PPP1R9A: variants seen among roughly 807,000 people sequenced by gnomAD.
PPP1R9A encodes neurabin-1.
PPP1R9A carries 59 observed loss-of-function variants against 141.9 expected under a neutral mutation model. The ratio of observed to expected loss-of-function variants is 0.42; its 90% CI spans 0.34 to 0.52. PPP1R9A has a LOEUF of 0.52. Among genes scored for constraint, PPP1R9A ranks in the 20% least tolerant of loss-of-function variants. The probability of loss-of-function intolerance (pLI) is 0.10; values close to 1 mark genes in which losing one functional copy is unlikely to be tolerated. For synonymous variants in PPP1R9A, 500 were observed against 569.7 expected, an observed-to-expected ratio of 0.88 and a Z score of 1.74; for missense variants, 1,444 against 1,611.9, an observed-to-expected ratio of 0.90 and a Z score of 1.78.
intron 5 of PPP1R9A, among the ~76,000 whole-genome samples, chr7:95,163,090 A>G (rs1425928914): frequency 6.6e-6 from 1 of 152,218 alleles, no homozygotes; most frequent in Admixed American, 6.5e-5. Context: ...CCATGTCTGT[A>G]TAGAACTTGG....
intron 4 of PPP1R9A, among the ~76,000 whole-genome samples, chr7:95,145,478 GA>G (rs1480508022): frequency 6.6e-6 from 1 of 152,144 alleles, no homozygotes; most frequent in Admixed American, 6.5e-5. Flanking sequence ...AACGTTGGAA[GA>G]AAGTACAAAG....
chr7:95,161,980 G>A lies in PPP1R9A; in HGVS notation c.1754+9G>A, dbSNP rs377079893. 1.0e-5 allele frequency: 16 copies of A among 1,564,114 alleles called. No homozygotes were observed. In the African/African-American group the frequency reaches 1.2e-4, roughly 12 times the overall value. ...ACCAAGGGCAACGTCAGGTAAATAC[G>A]TGCCTTCTAATATACACCATGTTGT... On this transcript the variant is annotated intron_variant, in intron 5 of 19. Transcript: ENST00000433360.
intron 2 of PPP1R9A, among the ~76,000 whole-genome samples, chr7:95,072,820 TTATTA>T (rs1292210294): frequency 1.4e-4 from 9 of 62,946 alleles, no homozygotes; most frequent in African/African-American, 6.5e-4. Context: ...TATATAATAA[TTATTA>T]TATATATAAT....
intron 2 of PPP1R9A, among the ~76,000 whole-genome samples, chr7:95,020,371 A>G (rs1805761065): frequency 6.6e-6 from 1 of 152,196 alleles, no homozygotes. Context: ...TAAAACGAAG[A>G]TATAAATTAA....
intron 5 of PPP1R9A, among the ~76,000 whole-genome samples, chr7:95,196,390 C>G (rs1836284026): frequency 6.6e-6 from 1 of 152,080 alleles, no homozygotes; most frequent in Non-Finnish European, 1.5e-5. Flanking sequence ...TGAAATGATA[C>G]TATTACTTCG....
At chr7:95,212,181 TA>T in intron 7 of PPP1R9A, among the ~76,000 whole-genome samples, 1 of 152,248 alleles carries the variant, frequency 6.6e-6, no homozygotes, top group South Asian at 2.1e-4. Flanking sequence ...GTGATTCTTT[TA>T]AAAATATTTT....
chr7:95,262,307 ATTACAT>A (rs1800554461), intron 12 of PPP1R9A, among the ~76,000 whole-genome samples: 1 of 152,172 alleles, frequency 6.6e-6, no homozygotes, highest in East Asian at 1.9e-4. Context: ...TTGTCATTTG[ATTACAT>A]TTTTGTATTT....
In PPP1R9A at chr7:95,010,668, C is replaced by G. The variant is rs533629758; in HGVS notation, c.1395+99160C>G. ...AGTAGTCCCTTATGTGGTTAGTAGG[C>G]CTTCAGGCAGTTTTTTTCCTTTTTG... is the stretch of plus-strand genomic sequence containing the variant. On this transcript the variant is annotated intron_variant, in intron 2 of 19. Coordinates refer to ENST00000433360, the MANE Select transcript of PPP1R9A (RefSeq NM_001166160.2). Among the ~76,000 whole-genome samples the G allele has an allele frequency of 3.9e-4, 60 of 152,072 alleles. 1 individual carries two copies. Among genetic ancestry groups the G allele is most frequent in the Admixed American group, 3.9e-3 (60 of 15,256 alleles).
intron 5 of PPP1R9A, among the ~76,000 whole-genome samples, chr7:95,196,424 A>T (rs1460361119): frequency 6.6e-6 from 1 of 152,222 alleles, no homozygotes; most frequent in Non-Finnish European, 1.5e-5. Context: ...CAATTTCTTT[A>T]TAAGTTAATT....
chr7:95,116,680 A>G (rs1398565921), intron 3 of PPP1R9A, among the ~76,000 whole-genome samples: 1 of 152,162 alleles, frequency 6.6e-6, no homozygotes, highest in African/African-American at 2.4e-5. Context: ...ACAGTATTAA[A>G]TTTTTTTGGT....
At chr7:95,089,818 A>G (rs939663307) in intron 2 of PPP1R9A, among the ~76,000 whole-genome samples, 1 of 151,880 alleles carries the variant, frequency 6.6e-6, no homozygotes, top group Non-Finnish European at 1.5e-5. Flanking sequence ...CCATCTATAG[A>G]TGTAACTCAG....
chr7:94,948,318 C>T (rs1444837882), intron 2 of PPP1R9A, among the ~76,000 whole-genome samples: 2 of 152,056 alleles, frequency 1.3e-5, no homozygotes, highest in Admixed American at 6.6e-5. Flanking sequence ...CAAACTCTAA[C>T]CACTTTTACT....
At chr7:95,247,610 T>A in intron 9 of PPP1R9A, 84 bp downstream of exon 9, 1 of 1,151,160 alleles carries the variant, frequency 8.7e-7, no homozygotes. Flanking sequence ...CTAAAGGTTT[T>A]GTCCCTGTAT....
chr7:95,122,203 G>GT (rs138600727), intron 4 of PPP1R9A, among the ~76,000 whole-genome samples: 14,151 of 148,294 alleles, frequency 0.095, 1,866 homozygotes, highest in African/African-American at 0.3. Flanking sequence ...CTGGAGTACA[G>GT]TGGCATGATC....
At chr7:95,262,251 A>G (rs1800547129) in intron 12 of PPP1R9A, among the ~76,000 whole-genome samples, 2 of 152,192 alleles carry the variant, frequency 1.3e-5, no homozygotes, top group South Asian at 4.1e-4. Context: ...GCTTATCCAC[A>G]TGATGTCATA....
chr7:94,911,542 T>A, intron 2 of PPP1R9A, 34 bp downstream of exon 2: 3 of 1,517,454 alleles, frequency 2.0e-6, no homozygotes, highest in Non-Finnish European at 2.7e-6. Flanking sequence ...TTTTCTAAAT[T>A]TGTTTTTAGT....
intron 2 of PPP1R9A, among the ~76,000 whole-genome samples, chr7:95,024,359 G>A (rs1172740250): frequency 1.3e-5 from 2 of 152,070 alleles, no homozygotes; most frequent in African/African-American, 4.8e-5. Context: ...TGAGGTGTCT[G>A]ATATACACAG....
chr7:95,268,606 C>T lies in PPP1R9A; in HGVS notation c.2722C>T (p.Arg908Ter), dbSNP rs773511332. The change falls in exon 13 of 20, where the codon CGA becomes TGA. Residue 908 changes from arginine (R) to a stop codon, truncating the protein, a stop_gained. Coordinates refer to ENST00000433360, the MANE Select transcript of PPP1R9A (RefSeq NM_001166160.2). LOFTEE classifies it high-confidence loss of function. ...ERLDSKALKTRAQLSVKNRRQ... is the reference protein window; with the variant it reads ...ERLDSKALKT Reference sequence around the variant, plus strand: ...CCTGGATTCAAAAGCACTGAAAACTCGAGCCCAGCTCTCTGTGAAGAACAG... The same window carrying T: ...CCTGGATTCAAAAGCACTGAAAACTTGAGCCCAGCTCTCTGTGAAGAACAG... The T allele has an allele frequency of 2.5e-6, 4 of 1,613,430 alleles. No homozygotes were observed. Among genetic ancestry groups the T allele is most frequent in the Non-Finnish European group, 8.5e-7 (1 of 1,179,580 alleles).
Position 95,274,073 on chromosome 7 carries a change from C to G in PPP1R9A, c.3213-12C>G, listed in dbSNP as rs767686587. On this transcript the variant is annotated splice_polypyrimidine_tract_variant and intron_variant, in intron 15 of 19. Coordinates refer to ENST00000433360, the MANE Select transcript of PPP1R9A (RefSeq NM_001166160.2). ...TCAGCTTCCCCTTTCTGACTGCTTA[C>G]TATCATTACAGGGCGCCTTTGCGAA... is the stretch of plus-strand genomic sequence containing the variant. 1 of 1,553,020 alleles carries G rather than the reference C, an allele frequency of 6.4e-7. No homozygotes were observed. Among genetic ancestry groups the G allele is most frequent in the Non-Finnish European group, 8.7e-7 (1 of 1,144,152 alleles).
Sources: gnomAD v4.1 joint callset for allele counts (sites outside exome capture counted in the v4.1 genomes callset) on GRCh38, gnomAD v4.1.1 for gene constraint, MANE v1.5 for transcripts, NCBI Gene and HGNC (gene_info 2026-07-23, HGNC 2026-07-21) for gene names.